The following INPP4B variants were observed in gnomAD, a reference collection of about 807,000 sequenced individuals.
The protein encoded by INPP4B is inositol polyphosphate 4-phosphatase type II.
Under a neutral mutation model 122.5 loss-of-function variants are expected in INPP4B, and 55 were observed. That is an observed-to-expected ratio of 0.45 (90% CI 0.36 to 0.56). The LOEUF (loss-of-function observed/expected upper bound fraction) is 0.56. Ranked by LOEUF, INPP4B falls within the 20% of genes least tolerant of loss-of-function variation. The pLI, the probability that INPP4B is intolerant of heterozygous loss-of-function variation, is 0.00. For missense variants in INPP4B, 1,000 were observed against 1,097.7 expected, an observed-to-expected ratio of 0.91 and a Z score of 1.26; for synonymous variants, 403 against 388.7, an observed-to-expected ratio of 1.04 and a Z score of -0.43.
Position 142,384,158 on chromosome 4 carries a change from T to A in INPP4B, c.372+18780A>T, listed in dbSNP as rs976379351. On this transcript the variant is annotated intron_variant, in intron 7 of 25. Coordinates refer to ENST00000262992, the MANE Select transcript of INPP4B (RefSeq NM_001101669.3). ...TGATCAGTAAGTTTCCAATCTGACA[T>A]AGCTTCTAAAAATGTTCAAGAATTC... 4.4e-5 allele frequency: 31 copies of A among 701,562 alleles called. No homozygotes were observed. In the East Asian group the frequency reaches 8.0e-4, roughly 18 times the overall value. 43.5% of individuals were successfully genotyped at this position (701,562 alleles called of 1,614,324 possible).
intron 25 of INPP4B, among the ~76,000 whole-genome samples, chr4:142,060,599 C>G (rs1760126310): frequency 6.6e-6 from 1 of 152,144 alleles, no homozygotes; most frequent in African/African-American, 2.4e-5. Context: ...GCTGTAAGGC[C>G]TTTTGCATGT....
chr4:142,357,205 T>C (rs1783900846), intron 7 of INPP4B, among the ~76,000 whole-genome samples: 1 of 152,030 alleles, frequency 6.6e-6, no homozygotes, highest in South Asian at 2.1e-4. Flanking sequence ...ATGGCGGGAA[T>C]CTCTGATTTG....
At chr4:142,407,341 T>C (rs991018887) in intron 5 of INPP4B, among the ~76,000 whole-genome samples, 3 of 152,126 alleles carry the variant, frequency 2.0e-5, no homozygotes, top group African/African-American at 7.2e-5. Context: ...TCTTTTACCT[T>C]GTGAGCTCAT....
rs542108228 is a variant in INPP4B at position 142,175,305 on chromosome 4, T to G, written c.1182-1496A>C. On this transcript the variant is annotated intron_variant, in intron 15 of 25. Transcript: ENST00000262992. ...CATCTAGGAAGCATGATCTGTTCTA[T>G]TCTTCTCACACTAGTGATTTTTCAG... Among the ~76,000 whole-genome samples the G allele has an allele frequency of 6.6e-5, 10 of 152,304 alleles. No individual in the cohort carries two copies. In the East Asian group the frequency reaches 1.7e-3, roughly 26 times the overall value.
chr4:142,508,926 T>C (rs1210322191), intron 2 of INPP4B, among the ~76,000 whole-genome samples: 1 of 152,114 alleles, frequency 6.6e-6, no homozygotes, highest in Non-Finnish European at 1.5e-5. Flanking sequence ...AAAGCCATGG[T>C]TGGGAAACTC....
intron 5 of INPP4B, among the ~76,000 whole-genome samples, chr4:142,421,740 G>A (rs1806943014): frequency 1.3e-5 from 2 of 152,046 alleles, no homozygotes; most frequent in African/African-American, 2.4e-5. Flanking sequence ...CTGAAATCCT[G>A]CTCATTCTTT....
chr4:142,459,312 T>C (rs1055646960), intron 3 of INPP4B, among the ~76,000 whole-genome samples: 1 of 145,346 alleles, frequency 6.9e-6, no homozygotes, highest in Non-Finnish European at 1.5e-5. Flanking sequence ...AAAACAAAGG[T>C]GATAAGATCA....
chr4:142,274,956 G>C (rs1017170033), intron 9 of INPP4B, among the ~76,000 whole-genome samples: 5 of 151,644 alleles, frequency 3.3e-5, no homozygotes, highest in Middle Eastern at 3.2e-3. Context: ...ACAACAAAAA[G>C]ATATAGAAGA....
chr4:142,784,408 T>TAAATAAATAAA (rs1554009430), intron 1 of INPP4B, among the ~76,000 whole-genome samples: 1 of 133,374 alleles, frequency 7.5e-6, no homozygotes, highest in Admixed American at 7.7e-5. Context: ...AATAAATAAA[T>TAAATAAATAAA]AAAAATTAAA....
At chr4:142,620,599 G>A (rs140790835) in intron 2 of INPP4B, among the ~76,000 whole-genome samples, 6 of 151,904 alleles carry the variant, frequency 3.9e-5, no homozygotes, top group South Asian at 4.1e-4. Context: ...CAACAAACCC[G>A]CATGACATGC....
At chr4:142,092,990 T>C (rs748723127) in intron 23 of INPP4B, among the ~76,000 whole-genome samples, 1 of 152,182 alleles carries the variant, frequency 6.6e-6, no homozygotes, top group Non-Finnish European at 1.5e-5. Context: ...TTTTGACTAA[T>C]GAAGTATGAC....
chr4:142,377,927 C>T (rs1009202808), intron 7 of INPP4B, among the ~76,000 whole-genome samples: 8 of 152,090 alleles, frequency 5.3e-5, no homozygotes, highest in African/African-American at 1.9e-4. Context: ...ACACTGTGAC[C>T]ATAAGCAACC....
chr4:142,246,629 T>G (rs1240937592), intron 11 of INPP4B, among the ~76,000 whole-genome samples: 1 of 152,170 alleles, frequency 6.6e-6, no homozygotes, highest in Non-Finnish European at 1.5e-5. Context: ...ATGCCTGTGA[T>G]TTTTGAACAT....
intron 2 of INPP4B, among the ~76,000 whole-genome samples, chr4:142,691,944 C>T (rs189931638): frequency 6.6e-6 from 1 of 152,270 alleles, no homozygotes; most frequent in East Asian, 1.9e-4. Flanking sequence ...CTAAGACACT[C>T]CCCTTCTAAT....
chr4:142,755,482 A>G lies in INPP4B; in HGVS notation c.-253-29581T>C, dbSNP rs190052642. 2.4e-3 allele frequency among the ~76,000 whole-genome samples: 367 copies of G among 152,086 alleles called. 1 individual carries two copies. The highest frequency in any genetic ancestry group is 8.4e-3 in the African/African-American group (349 of 41,524). ...TTCCATTACTTCCAAACACAAAGCT[A>G]TAATTTTGATTCCTTTTAAAAAGAG... On this transcript the variant is annotated intron_variant, in intron 1 of 25. Transcript: ENST00000262992.
intron 2 of INPP4B, among the ~76,000 whole-genome samples, chr4:142,473,958 G>A (rs555668844): frequency 2.6e-5 from 4 of 151,170 alleles, no homozygotes; most frequent in Admixed American, 2.6e-4. Context: ...GCTAGTTTCT[G>A]GTCTAGTGCT....
At chr4:142,576,127 G>C (rs922165312) in intron 2 of INPP4B, among the ~76,000 whole-genome samples, 14 of 151,914 alleles carry the variant, frequency 9.2e-5, no homozygotes, top group African/African-American at 3.4e-4. Flanking sequence ...CATTTAATTA[G>C]TAAATATTTA....
intron 25 of INPP4B, among the ~76,000 whole-genome samples, chr4:142,031,115 A>G (rs1216257290): frequency 2.0e-5 from 3 of 151,904 alleles, no homozygotes; most frequent in African/African-American, 4.8e-5. Context: ...AGCAGCTCCA[A>G]TTATGGCCAG....
At chr4:142,469,821 T>C (rs1818480524) in intron 2 of INPP4B, among the ~76,000 whole-genome samples, 1 of 152,132 alleles carries the variant, frequency 6.6e-6, no homozygotes, top group Non-Finnish European at 1.5e-5. Flanking sequence ...ACAATTGAAA[T>C]TGATATAAAT....
Sources: allele counts gnomAD v4.1 joint callset (sites outside exome capture counted in the v4.1 genomes callset), GRCh38; gene constraint gnomAD v4.1.1; transcripts MANE v1.5; gene names NCBI Gene and HGNC (gene_info 2026-07-23, HGNC 2026-07-21).